The following KCNQ1 variants were observed in gnomAD, a reference collection of about 807,000 sequenced individuals.
KCNQ1 encodes potassium voltage-gated channel subfamily KQT member 1.
In KCNQ1, 49 loss-of-function variants were observed where a neutral mutation model predicts 72.4. The observed-to-expected ratio is 0.68, with a 90% CI of 0.54 to 0.86. The LOEUF (loss-of-function observed/expected upper bound fraction) is 0.86. KCNQ1 is among the 40% of genes least tolerant of loss of function. KCNQ1 has a pLI of 0.00. For synonymous variants in KCNQ1, 450 were observed against 412.6 expected, an observed-to-expected ratio of 1.09 and a Z score of -1.10; for missense variants, 790 against 945.1, an observed-to-expected ratio of 0.84 and a Z score of 2.15.
rs1247205636 is a variant in KCNQ1 at position 2,682,504 on chromosome 11, G to GAGTGAGTGAGTA, written c.1514+20426_1514+20427insGAGTGAGTAAGT. On this transcript the variant is annotated intron_variant, in intron 11 of 15. Coordinates refer to ENST00000155840, the MANE Select transcript of KCNQ1 (RefSeq NM_000218.3). This position sits in a 1 kb window ranked among gnomAD's most constrained non-coding sequence, Gnocchi z 5.8. ...TGAGTGAGTGAGTGAGTGAGTGAGT[G>GAGTGAGTGAGTA]AGTACTTGTGCCCAGGTCAAACCAG... 1 of 398,204 alleles carries GAGTGAGTGAGTA rather than the reference G, an allele frequency of 2.5e-6. No homozygotes were observed. Among genetic ancestry groups the GAGTGAGTGAGTA allele is most frequent in the Admixed American group, 4.4e-5 (1 of 22,684 alleles). The allele number at this position is 398,204 out of a possible 1,614,324, so 24.7% of individuals were successfully genotyped here. A position where few individuals can be genotyped will look rare whatever the true frequency, so the allele number is the denominator to read the frequency against.
rs1040194026 is a variant in KCNQ1, at chr11:2,690,534, G to A, written c.1514+28453G>A. On this transcript the variant is annotated intron_variant, in intron 11 of 15. Transcript: ENST00000155840. This position sits in a 1 kb window ranked among gnomAD's most constrained non-coding sequence, Gnocchi z 5.1. ...CCTATCACAAAGAAAGTGCCACTGGGCCTAGGGAAGGACAAGAAGTAACAT... is the reference window on the plus strand; with the variant it reads ...CCTATCACAAAGAAAGTGCCACTGGACCTAGGGAAGGACAAGAAGTAACAT... 2.5e-6 allele frequency: 1 copy of A among 398,590 alleles called. No individual in the cohort carries two copies. The highest frequency in any genetic ancestry group is 4.4e-6 in the Non-Finnish European group (1 of 226,112). The allele number at this position is 398,590 out of a possible 1,614,324, so 24.7% of individuals were successfully genotyped here.
rs147314507 is a variant in KCNQ1, at chr11:2,762,334, G to A, written c.1515-6510G>A. On this transcript the variant is annotated intron_variant, in intron 11 of 15. Coordinates refer to ENST00000155840, the MANE Select transcript of KCNQ1 (RefSeq NM_000218.3). The surrounding 1 kb of genome is among the most constrained non-coding windows in gnomAD (Gnocchi z 4.3). The stretch of plus-strand genomic sequence containing the variant: ...TTATCCAACTTTCTTCGACAGGCCC[G>A]ATTGCCTCATAGTTAGGCCTGTGAC... 1.4e-3 allele frequency among the ~76,000 whole-genome samples: 216 copies of A among 152,308 alleles called. 1 individual carries two copies. Among genetic ancestry groups the A allele is most frequent in the Middle Eastern group, 0.01 (3 of 294 alleles).
Position 2,676,682 on chromosome 11 carries a change from C to G in KCNQ1, c.1514+14601C>G, listed in dbSNP as rs528342188. The G allele has an allele frequency of 7.5e-6, 3 of 398,640 alleles. No homozygotes were observed. Among genetic ancestry groups the G allele is most frequent in the Non-Finnish European group, 1.3e-5 (3 of 226,076 alleles). 24.7% of individuals were successfully genotyped at this position (398,640 alleles called of 1,614,324 possible). Reference sequence around the variant, plus strand: ...GGTCTTGAGTATTTCCAAGGGAGCACTAACTGGACTACAGCCTGGCAGGAG... The same window carrying G: ...GGTCTTGAGTATTTCCAAGGGAGCAGTAACTGGACTACAGCCTGGCAGGAG... On this transcript the variant is annotated intron_variant, in intron 11 of 15. Coordinates refer to ENST00000155840, the MANE Select transcript of KCNQ1 (RefSeq NM_000218.3). This position sits in a 1 kb window ranked among gnomAD's most constrained non-coding sequence, Gnocchi z 4.2.
chr11:2,671,477 G>T lies in KCNQ1; in HGVS notation c.1514+9396G>T. The T allele has an allele frequency of 2.5e-6, 1 of 398,574 alleles. No individual in the cohort carries two copies. The allele number at this position is 398,574 out of a possible 1,614,324, so 24.7% of individuals were successfully genotyped here. ...CAACCCAGCAGGGGATATACACAAAGATCTGAGAAAGGGATTATTTTTAGG... is the reference window on the plus strand; with the variant it reads ...CAACCCAGCAGGGGATATACACAAATATCTGAGAAAGGGATTATTTTTAGG... On this transcript the variant is annotated intron_variant, in intron 11 of 15. Transcript: ENST00000155840. This position sits in a 1 kb window ranked among gnomAD's most constrained non-coding sequence, Gnocchi z 4.7.
At chr11:2,503,369 A>C (rs1316201774) in intron 1 of KCNQ1, among the ~76,000 whole-genome samples, 1 of 152,236 alleles carries the variant, frequency 6.6e-6, no homozygotes, top group Non-Finnish European at 1.5e-5. Flanking sequence ...AAAGACCTGA[A>C]TAGACATTTC....
intron 11 of KCNQ1, among the ~76,000 whole-genome samples, chr11:2,722,359 A>AG (rs1845683545): frequency 6.6e-6 from 1 of 152,182 alleles, no homozygotes; most frequent in East Asian, 1.9e-4. Context: ...GAACGAGGCA[A>AG]GGCCAGCCCA....
chr11:2,710,623 G>T lies in KCNQ1; in HGVS notation c.1514+48542G>T, dbSNP rs1850986809. ...TTTATAGTTTTGGCTCTTACACTTA[G>T]GTCTTTCATCCGCTTTCAGTTAGTT... On this transcript the variant is annotated intron_variant, in intron 11 of 15. Coordinates refer to ENST00000155840, the MANE Select transcript of KCNQ1 (RefSeq NM_000218.3). The surrounding 1 kb of genome is among the most constrained non-coding windows in gnomAD (Gnocchi z 4.1). Among the ~76,000 whole-genome samples, 1 of 152,060 alleles carries T rather than the reference G, an allele frequency of 6.6e-6. No homozygotes were observed. Among genetic ancestry groups the T allele is most frequent in the East Asian group, 1.9e-4 (1 of 5,184 alleles).
rs559762323 is a variant in KCNQ1 at position 2,818,949 on chromosome 11, A to C, written c.1795-28818A>C. 1.3e-5 allele frequency among the ~76,000 whole-genome samples: 2 copies of C among 152,168 alleles called. No individual in the cohort carries two copies. Among genetic ancestry groups the C allele is most frequent in the South Asian group, 4.2e-4 (2 of 4,816 alleles). ...GCACAAGAGGTTCATCCCACCCTCC[A>C]GCATTACCCAGCCCCACAGGACCCA... On this transcript the variant is annotated intron_variant, in intron 15 of 15. Transcript: ENST00000155840. This position sits in a 1 kb window ranked among gnomAD's most constrained non-coding sequence, Gnocchi z 7.2.
intron 10 of KCNQ1, chr11:2,610,230 A>G (rs964617034): frequency 2.5e-6 from 1 of 397,760 alleles, no homozygotes; most frequent in Admixed American, 4.4e-5. Context: ...AATTTACTTC[A>G]TATTTATATT....
intron 14 of KCNQ1, 170 bp from the exon 15 acceptor site, chr11:2,777,806 C>T (rs543560382): frequency 4.6e-6 from 3 of 657,804 alleles, no homozygotes; most frequent in Admixed American, 4.4e-5. Context: ...GCCACCGTAC[C>T]ACCCCTGGTA....
At chr11:2,806,584 G>A (rs773334459) in intron 15 of KCNQ1, among the ~76,000 whole-genome samples, 14 of 152,164 alleles carry the variant, frequency 9.2e-5, no homozygotes, top group Non-Finnish European at 1.6e-4. Context: ...CGAGCAGCTG[G>A]GCCGTGTCTG....
At chr11:2,825,529 TCA>T (rs1847820932) in intron 15 of KCNQ1, among the ~76,000 whole-genome samples, 1 of 152,216 alleles carries the variant, frequency 6.6e-6, no homozygotes, top group African/African-American at 2.4e-5. Context: ...GTGCCTGGAA[TCA>T]CACCCTGGAC....
At chr11:2,838,838 G>T (rs1848141318) in intron 15 of KCNQ1, among the ~76,000 whole-genome samples, 1 of 152,174 alleles carries the variant, frequency 6.6e-6, no homozygotes, top group African/African-American at 2.4e-5. Context: ...GGCCTCTGCG[G>T]GCTCGCCAGA....
At chr11:2,667,672 G>A (rs1464523690) in intron 11 of KCNQ1, 7 of 398,576 alleles carry the variant, frequency 1.8e-5, no homozygotes, top group Non-Finnish European at 2.7e-5. Context: ...CAGAGCCTCT[G>A]GAGGCTGAAG....
chr11:2,680,324 CA>C (rs34634347), intron 11 of KCNQ1: 7 of 390,468 alleles, frequency 1.8e-5, no homozygotes, highest in East Asian at 7.5e-5. Flanking sequence ...TTCCCCACCT[CA>C]AAAAAAAAGT....
rs1847858418 is a variant in KCNQ1, at chr11:2,543,532, C to T, written c.477+15514C>T. On this transcript the variant is annotated intron_variant, in intron 2 of 15. Transcript: ENST00000155840. The surrounding 1 kb of genome is among the most constrained non-coding windows in gnomAD (Gnocchi z 5.6). ...CAAGCGATCCCCTTGCCTCGGCCTCCCAAAGCGCTGGAATTACAGGTGTGA... is the reference window on the plus strand; with the variant it reads ...CAAGCGATCCCCTTGCCTCGGCCTCTCAAAGCGCTGGAATTACAGGTGTGA... Among the ~76,000 whole-genome samples the T allele has an allele frequency of 6.6e-6, 1 of 152,186 alleles. No homozygotes were observed. The highest frequency in any genetic ancestry group is 2.1e-4 in the South Asian group (1 of 4,830).
rs896870740 is a variant in KCNQ1, at chr11:2,611,371, C to T, written c.1393+22517C>T. 2.8e-5 allele frequency: 11 copies of T among 397,426 alleles called. No homozygotes were observed. The highest frequency in any genetic ancestry group is 4.4e-5 in the Non-Finnish European group (10 of 225,970). 24.6% of individuals were successfully genotyped at this position (397,426 alleles called of 1,614,324 possible). On this transcript the variant is annotated intron_variant, in intron 10 of 15. Transcript: ENST00000155840. This position sits in a 1 kb window ranked among gnomAD's most constrained non-coding sequence, Gnocchi z 5.3. Reference sequence around the variant, plus strand: ...AGTAGCTGGGACTACAGGCATTTGCCACCATACCCAGCTAATTTTTAGTAG... The same window carrying T: ...AGTAGCTGGGACTACAGGCATTTGCTACCATACCCAGCTAATTTTTAGTAG...
In KCNQ1 at chr11:2,620,728, A is replaced by G. The variant is rs988571634; in HGVS notation, c.1393+31874A>G. On this transcript the variant is annotated intron_variant, in intron 10 of 15. Transcript: ENST00000155840. The surrounding 1 kb of genome is among the most constrained non-coding windows in gnomAD (Gnocchi z 4.5). Reference sequence around the variant, plus strand: ...TCCAGTAATGGGATTGCTGGGTCAGATGGTAGTTCTGTTTTCAGTTATTTG... The same window carrying G: ...TCCAGTAATGGGATTGCTGGGTCAGGTGGTAGTTCTGTTTTCAGTTATTTG... 5 of 398,472 alleles carry G rather than the reference A, an allele frequency of 1.3e-5. No homozygotes were observed. Among genetic ancestry groups the G allele is most frequent in the Non-Finnish European group, 2.2e-5 (5 of 226,066 alleles). The allele number at this position is 398,472 out of a possible 1,614,324, so 24.7% of individuals were successfully genotyped here.
rs1195800796 is a variant in KCNQ1, at chr11:2,497,622, G to T, written c.387-30306G>T. Among the ~76,000 whole-genome samples, 1 of 152,130 alleles carries T rather than the reference G, an allele frequency of 6.6e-6. No individual in the cohort carries two copies. The highest frequency in any genetic ancestry group is 1.5e-5 in the Non-Finnish European group (1 of 68,038). ...CATTGGGTTAGAACATGCTTCTCTAGCTCAGAGGAATTTGTTATTACCCAC... is the reference window on the plus strand; with the variant it reads ...CATTGGGTTAGAACATGCTTCTCTATCTCAGAGGAATTTGTTATTACCCAC... On this transcript the variant is annotated intron_variant, in intron 1 of 15. Transcript: ENST00000155840. The surrounding 1 kb of genome is among the most constrained non-coding windows in gnomAD (Gnocchi z 4.5).
Sources: gnomAD v4.1 joint callset for allele counts (sites outside exome capture counted in the v4.1 genomes callset) on GRCh38, gnomAD v4.1.1 for gene constraint, Gnocchi (gnomAD v3.1) non-coding constraint, MANE v1.5 for transcripts, NCBI Gene and HGNC (gene_info 2026-07-23, HGNC 2026-07-21) for gene names.